The following OLFM3 variants were observed in gnomAD, a reference collection of about 807,000 sequenced individuals.
OLFM3 encodes the protein noelin-3.
In OLFM3, 20 loss-of-function variants were observed where a neutral mutation model predicts 48.6. That is an observed-to-expected ratio of 0.41 (90% CI 0.29 to 0.60). The LOEUF (loss-of-function observed/expected upper bound fraction) is 0.60, where lower values mean the gene tolerates loss of function less well. Ranked by LOEUF, OLFM3 falls within the 20% of genes least tolerant of loss-of-function variation. The pLI is 0.28. For synonymous variants in OLFM3, 222 were observed against 198.1 expected, an observed-to-expected ratio of 1.12 and a Z score of -1.01; for missense variants, 437 against 544.3, an observed-to-expected ratio of 0.80 and a Z score of 1.96.
At position 101,852,111 on chromosome 1, in the gene OLFM3, A is replaced by G. The variant is rs137974658; in HGVS notation, c.70-15086T>C. Among the ~76,000 whole-genome samples, 60 of 151,894 alleles carry G rather than the reference A, an allele frequency of 4.0e-4. 3 individuals are homozygous for G. In the East Asian group the frequency reaches 7.2e-3, roughly 18 times the overall value. ...TCTTTAGCAGATCATTCCCAGCATC[A>G]TAAATACCACCATACTTTTCCTACT... On this transcript the variant is annotated intron_variant, in intron 1 of 5. Coordinates refer to ENST00000370103, the MANE Select transcript of OLFM3 (RefSeq NM_058170.4).
intron 1 of OLFM3, among the ~76,000 whole-genome samples, chr1:101,958,934 A>C (rs569097162): frequency 1.3e-5 from 2 of 151,706 alleles, no homozygotes; most frequent in Non-Finnish European, 2.9e-5. Context: ...CTAGTTTCTT[A>C]GCAATTTTCA....
chr1:101,845,972 T>C (rs943302350), intron 1 of OLFM3, among the ~76,000 whole-genome samples: 6 of 152,184 alleles, frequency 3.9e-5, no homozygotes, highest in African/African-American at 7.2e-5. Flanking sequence ...CACATGAAAG[T>C]GAAAACCCCT....
chr1:101,863,570 T>C (rs1018914660), intron 1 of OLFM3, among the ~76,000 whole-genome samples: 1 of 152,194 alleles, frequency 6.6e-6, no homozygotes, highest in African/African-American at 2.4e-5. Flanking sequence ...CAGAATCATA[T>C]ACTCTGAAAC....
At chr1:101,933,172 A>G (rs1195796141) in intron 1 of OLFM3, among the ~76,000 whole-genome samples, 5 of 129,532 alleles carry the variant, frequency 3.9e-5, no homozygotes, top group African/African-American at 1.2e-4. Flanking sequence ...ACTGCACTCC[A>G]GCCTGGGTGA....
chr1:101,924,729 C>G (rs185602623), intron 1 of OLFM3, among the ~76,000 whole-genome samples: 2 of 152,090 alleles, frequency 1.3e-5, no homozygotes, highest in Non-Finnish European at 1.5e-5. Context: ...ATTTTAAATT[C>G]TTTTATTTAT....
intron 1 of OLFM3, among the ~76,000 whole-genome samples, chr1:101,979,926 T>C (rs1400337253): frequency 1.3e-5 from 2 of 150,720 alleles, no homozygotes; most frequent in Non-Finnish European, 1.5e-5. Context: ...CCCAAGGCCA[T>C]GGGAGCCCAT....
At chr1:101,993,922 T>C (rs973841191) in intron 1 of OLFM3, among the ~76,000 whole-genome samples, 3 of 146,606 alleles carry the variant, frequency 2.0e-5, no homozygotes, top group Non-Finnish European at 3.0e-5. Flanking sequence ...CTTTATAAAA[T>C]GCCATATAAG....
In OLFM3 at chr1:101,874,663, G is replaced by A. The variant is rs117313361; in HGVS notation, c.70-37638C>T. ...AGTATTTTTAAGTAAGGAGTTTGAG[G>A]CTCAAAAACATTAAAATTCTTGCCC... is the stretch of plus-strand genomic sequence containing the variant. On this transcript the variant is annotated intron_variant, in intron 1 of 5. Coordinates refer to ENST00000370103, the MANE Select transcript of OLFM3 (RefSeq NM_058170.4). Among the ~76,000 whole-genome samples, 210 of 151,918 alleles carry A rather than the reference G, an allele frequency of 1.4e-3. 2 individuals are homozygous for A. The East Asian group carries it at 0.037, about 26-fold the overall frequency.
Position 101,841,238 on chromosome 1 carries a change from G to T in OLFM3, c.70-4213C>A, listed in dbSNP as rs142475200. ...TAGATTTTTTGCTTATAAAATCCCT[G>T]CTATTGTTTTAGTCTCACTTTTCTT... On this transcript the variant is annotated intron_variant, in intron 1 of 5. Coordinates refer to ENST00000370103, the MANE Select transcript of OLFM3 (RefSeq NM_058170.4). 1.8e-3 allele frequency among the ~76,000 whole-genome samples: 278 copies of T among 152,222 alleles called. 11 individuals are homozygous for T. The East Asian group carries it at 0.028, about 15-fold the overall frequency.
intron 1 of OLFM3, among the ~76,000 whole-genome samples, chr1:101,963,887 A>G (rs1660537344): frequency 6.6e-6 from 1 of 152,130 alleles, no homozygotes; most frequent in South Asian, 2.1e-4. Context: ...ATGTATTGTA[A>G]ATACTGATTT....
chr1:101,835,019 G>A (rs915262193), intron 2 of OLFM3, among the ~76,000 whole-genome samples: 7 of 152,098 alleles, frequency 4.6e-5, no homozygotes, highest in Non-Finnish European at 1.0e-4. Flanking sequence ...TTGAAGAAAT[G>A]TTTGAGTGTA....
chr1:101,810,810 A>T (rs1034089499), intron 4 of OLFM3, among the ~76,000 whole-genome samples: 1 of 151,776 alleles, frequency 6.6e-6, no homozygotes, highest in Non-Finnish European at 1.5e-5. Context: ...AAAAATTAGA[A>T]TTTATATTAT....
chr1:101,808,919 ATTT>A (rs1653914892), intron 4 of OLFM3, among the ~76,000 whole-genome samples: 1 of 151,858 alleles, frequency 6.6e-6, no homozygotes, highest in South Asian at 2.1e-4. Flanking sequence ...CTTCTAAGAG[ATTT>A]GTATAATATA....
chr1:101,870,669 C>A (rs1657044404), intron 1 of OLFM3, among the ~76,000 whole-genome samples: 1 of 152,114 alleles, frequency 6.6e-6, no homozygotes, highest in Non-Finnish European at 1.5e-5. Context: ...CAGAAGGTTT[C>A]TCCAACTCCT....
At chr1:101,936,447 G>C (rs959991037) in intron 1 of OLFM3, among the ~76,000 whole-genome samples, 1 of 152,098 alleles carries the variant, frequency 6.6e-6, no homozygotes, top group African/African-American at 2.4e-5. Flanking sequence ...ACAAAGCCCT[G>C]CTCAAAGAAA....
chr1:101,869,437 T>C (rs998378531), intron 1 of OLFM3, among the ~76,000 whole-genome samples: 1 of 152,216 alleles, frequency 6.6e-6, no homozygotes, highest in African/African-American at 2.4e-5. Context: ...TACCTCCATT[T>C]TATCTAGGAA....
At chr1:101,996,727 G>A (rs1162350923) in intron 1 of OLFM3, 21 bp downstream of exon 1, 1 of 1,611,992 alleles carries the variant, frequency 6.2e-7, no homozygotes, top group South Asian at 1.1e-5. Context: ...TTTCAAACAA[G>A]ACTCAAAATA....
rs554840767 is a variant in OLFM3, at chr1:101,965,435, TA to T, written c.69+31312del. Among the ~76,000 whole-genome samples the T allele has an allele frequency of 5.8e-3, 876 of 152,264 alleles. 3 individuals carry two copies. Among genetic ancestry groups the T allele is most frequent in the Non-Finnish European group, 9.7e-3 (660 of 68,004 alleles). On this transcript the variant is annotated intron_variant, in intron 1 of 5. Transcript: ENST00000370103. ...CCAGACTTGGCAGTACAACTGCTGG[TA>T]AAAGAATGTCAGAGGTTTCAATATA...
chr1:101,847,129 C>G (rs1472497776), intron 1 of OLFM3: 1 of 931,430 alleles, frequency 1.1e-6, no homozygotes, highest in Non-Finnish European at 1.3e-6. Flanking sequence ...ACCTCCTTCC[C>G]CCATCCTCGT....
Sources: gnomAD v4.1 joint callset for allele counts (sites outside exome capture counted in the v4.1 genomes callset) on GRCh38, gnomAD v4.1.1 for gene constraint, MANE v1.5 for transcripts, NCBI Gene and HGNC (gene_info 2026-07-23, HGNC 2026-07-21) for gene names.